ENTREP1: variants seen among roughly 807,000 people sequenced by gnomAD.
ENTREP1 encodes the protein Friedreich ataxia region gene X123.
chr9:69,324,905 C>G, the ENTREP1 span: 1 of 982,374 alleles, frequency 1.0e-6, no homozygotes, highest in African/African-American at 1.8e-5. Flanking sequence ...CTGACGTGTC[C>G]TGGCCGTGAG....
chr9:69,355,855 C>A, the ENTREP1 span, among the ~76,000 whole-genome samples: 3 of 152,200 alleles, frequency 2.0e-5, no homozygotes, highest in Non-Finnish European at 1.5e-5. Flanking sequence ...CCTCATGTAA[C>A]ATGGTGGCTG....
chr9:69,336,178 C>T, the ENTREP1 span: 1 of 1,173,468 alleles, frequency 8.5e-7, no homozygotes, highest in East Asian at 2.4e-5. Context: ...TGGAATTGGT[C>T]CATTTTCTAT....
At chr9:69,375,697 A>C in the ENTREP1 span, 1 of 1,542,234 alleles carries the variant, frequency 6.5e-7, no homozygotes, top group Non-Finnish European at 9.0e-7. Flanking sequence ...ATTTTTTCTT[A>C]ATAATTAAAG....
the ENTREP1 span, among the ~76,000 whole-genome samples, chr9:69,367,091 ATTTTTTTTTTT>A: frequency 4.7e-5 from 5 of 105,746 alleles, no homozygotes; most frequent in Admixed American, 9.8e-5. Flanking sequence ...TAATTAAACA[ATTTTTTTTTTT>A]TTTTTTTTTT....
At chr9:69,343,332 AAAGCT>A in the ENTREP1 span, among the ~76,000 whole-genome samples, 1 of 152,344 alleles carries the variant, frequency 6.6e-6, no homozygotes, top group Middle Eastern at 3.4e-3. Flanking sequence ...TTGATCAAGC[AAAGCT>A]AAGTTTATAA....
chr9:69,351,264 C>T, the ENTREP1 span, among the ~76,000 whole-genome samples: 1 of 152,130 alleles, frequency 6.6e-6, no homozygotes, highest in Non-Finnish European at 1.5e-5. Context: ...TCTGAGTCTT[C>T]TGAAGTTACA....
the ENTREP1 span, among the ~76,000 whole-genome samples, chr9:69,384,499 G>T: frequency 6.6e-6 from 1 of 152,100 alleles, no homozygotes; most frequent in Non-Finnish European, 1.5e-5. Flanking sequence ...CTTTTGTCAG[G>T]GGAAAAAAAG....
chr9:69,391,465 T>C, the ENTREP1 span: 1 of 683,916 alleles, frequency 1.5e-6, no homozygotes, highest in Non-Finnish European at 2.4e-6. Flanking sequence ...GAGTTCCACT[T>C]TGGGAAAATG....
At chr9:69,336,118 A>G in the ENTREP1 span, 2 of 610,876 alleles carry the variant, frequency 3.3e-6, no homozygotes, top group African/African-American at 1.9e-5. Context: ...ATGCTTTGAA[A>G]TTTCAGTATC....
At chr9:69,337,278 GATT>G in the ENTREP1 span, among the ~76,000 whole-genome samples, 1 of 152,078 alleles carries the variant, frequency 6.6e-6, no homozygotes, top group African/African-American at 2.4e-5. Context: ...AGAGTGTTGA[GATT>G]ATAGGCATGA....
the ENTREP1 span, among the ~76,000 whole-genome samples, chr9:69,339,993 G>A: frequency 6.6e-6 from 1 of 152,164 alleles, no homozygotes; most frequent in South Asian, 2.1e-4. Flanking sequence ...CAAGAGTCTT[G>A]CCTTTTTCAC....
chr9:69,372,800 A>C, the ENTREP1 span, among the ~76,000 whole-genome samples: 2 of 151,786 alleles, frequency 1.3e-5, no homozygotes, highest in South Asian at 4.1e-4. Flanking sequence ...TCAACAGTGC[A>C]CACGGGTTCC....
the ENTREP1 span, among the ~76,000 whole-genome samples, chr9:69,351,874 T>C: frequency 6.6e-6 from 1 of 152,270 alleles, no homozygotes; most frequent in Non-Finnish European, 1.5e-5. Context: ...TCTTAATTTT[T>C]ACTCTTGCCA....
chr9:69,375,474 T>A, the ENTREP1 span, among the ~76,000 whole-genome samples: 1 of 152,188 alleles, frequency 6.6e-6, no homozygotes. Context: ...TAAACAGGAT[T>A]AGTATGAAAA....
chr9:69,384,201 G>T, the ENTREP1 span, among the ~76,000 whole-genome samples: 2 of 115,912 alleles, frequency 1.7e-5, no homozygotes, highest in African/African-American at 5.8e-5. Flanking sequence ...TTCTACAAAC[G>T]GAAAAAAAAA....
chr9:69,325,217 TG>T, the ENTREP1 span: 1 of 1,029,962 alleles, frequency 9.7e-7, no homozygotes, highest in Non-Finnish European at 1.2e-6. Flanking sequence ...CCGTCTGCAG[TG>T]CCCAGTGTGC....
At chr9:69,337,996 A>G in the ENTREP1 span, among the ~76,000 whole-genome samples, 1 of 152,198 alleles carries the variant, frequency 6.6e-6, no homozygotes, top group Non-Finnish European at 1.5e-5. Context: ...TTTGTGTGTC[A>G]GAATAACTAA....
chr9:69,371,043 A>G, the ENTREP1 span, among the ~76,000 whole-genome samples: 4 of 152,136 alleles, frequency 2.6e-5, no homozygotes, highest in South Asian at 2.1e-4. Context: ...AAAAAGACCC[A>G]TTTTTATGTC....
the ENTREP1 span, among the ~76,000 whole-genome samples, chr9:69,325,958 G>A: frequency 3.4e-3 from 295 of 87,990 alleles, 1 homozygote; most frequent in Non-Finnish European, 4.5e-3. Flanking sequence ...TATTTTCCCT[G>A]TCAAGCTAAT....
Sources: allele counts gnomAD v4.1 joint callset (sites outside exome capture counted in the v4.1 genomes callset), GRCh38; gene constraint gnomAD v4.1.1; transcripts MANE v1.5; gene names NCBI Gene and HGNC (gene_info 2026-07-23, HGNC 2026-07-21).